The following EIF2D variants were observed in gnomAD, a reference collection of about 807,000 sequenced individuals.
EIF2D encodes the protein hepatocellular carcinoma-associated antigen 56.
A neutral mutation model predicts 77.4 loss-of-function variants in EIF2D; 56 were observed. The observed-to-expected ratio is 0.72, with a 90% CI of 0.58 to 0.90. The LOEUF is 0.90. Among genes scored for constraint, EIF2D ranks in the 40% least tolerant of loss-of-function variants. The pLI, the probability that EIF2D is intolerant of heterozygous loss-of-function variation, is 0.00. For missense variants in EIF2D, 574 were observed against 706.5 expected (o/e 0.81, Z 2.13); for synonymous variants, 230 against 271.0 (o/e 0.85, Z 1.49).
chr1:206,610,749 A>T (rs1553413741), intron 2 of EIF2D, among the ~76,000 whole-genome samples: 1 of 152,096 alleles, frequency 6.6e-6, no homozygotes, highest in South Asian at 2.1e-4. Flanking sequence ...TGAACCCAGG[A>T]GGCGGAGCTT....
At chr1:206,586,719 C>A, downstream of EIF2D, 5 of 845,628 alleles carry the variant, frequency 5.9e-6, no homozygotes, top group Non-Finnish European at 7.6e-6. Context: ...GTGTGAATCA[C>A]GGATGTGAAC....
chr1:206,599,947 G>T lies in EIF2D; in HGVS notation c.949-111C>A. On this transcript the variant is annotated intron_variant, in intron 8 of 14. Coordinates refer to ENST00000271764, the MANE Select transcript of EIF2D (RefSeq NM_006893.3). This position sits in a 1 kb window ranked among gnomAD's most constrained non-coding sequence, Gnocchi z 4.1. ...AGGGACTGTGCAGGGATATGAGACAGCCCCTGCCTTCATCAACCAGGAACT... is the reference window on the plus strand; with the variant it reads ...AGGGACTGTGCAGGGATATGAGACATCCCCTGCCTTCATCAACCAGGAACT... The T allele has an allele frequency of 9.7e-7, 1 of 1,036,126 alleles. No individual in the cohort carries two copies. The highest frequency in any genetic ancestry group is 2.9e-4 in the Middle Eastern group (1 of 3,404). 64.2% of individuals were successfully genotyped at this position (1,036,126 alleles called of 1,614,324 possible). A position where few individuals can be genotyped will look rare whatever the true frequency, so the allele number is the denominator to read the frequency against.
At chr1:206,604,453 G>C (rs1572406298) in intron 5 of EIF2D, among the ~76,000 whole-genome samples, 1 of 143,048 alleles carries the variant, frequency 7.0e-6, no homozygotes, top group East Asian at 2.1e-4. Flanking sequence ...CAAAAAAAAA[G>C]GCTGGGCGCA....
intron 2 of EIF2D, among the ~76,000 whole-genome samples, chr1:206,581,614 G>A (rs1035989671): frequency 1.5e-5 from 2 of 137,058 alleles, no homozygotes; most frequent in African/African-American, 2.7e-5. Context: ...GAAAGAAAGA[G>A]AGAGAGACAG....
intron 4 of EIF2D, among the ~76,000 whole-genome samples, chr1:206,607,236 T>C (rs1670244828): frequency 6.6e-6 from 1 of 152,140 alleles, no homozygotes; most frequent in Non-Finnish European, 1.5e-5. Context: ...ACGTCCACAC[T>C]ATATTAAGTG....
intron 1 of EIF2D, 48 bp from the exon 2 acceptor site, chr1:206,611,422 A>C: frequency 6.6e-7 from 1 of 1,515,172 alleles, no homozygotes; most frequent in Non-Finnish European, 9.0e-7. Flanking sequence ...ACAGACTTTT[A>C]ATAAATATCA....
chr1:206,573,465 G>A (rs1238308814), intron 4 of EIF2D, among the ~76,000 whole-genome samples: 3 of 152,194 alleles, frequency 2.0e-5, no homozygotes, highest in African/African-American at 7.2e-5. Flanking sequence ...GCCATAGAGG[G>A]CAAGACAGGC....
chr1:206,570,156 A>G (rs1668404412), downstream of EIF2D, among the ~76,000 whole-genome samples: 1 of 142,320 alleles, frequency 7.0e-6, no homozygotes, highest in African/African-American at 2.7e-5. Flanking sequence ...TAGTGGTGCA[A>G]TATTGGCTCA....
chr1:206,593,355 G>A (rs1298999700), intron 14 of EIF2D, among the ~76,000 whole-genome samples: 5 of 151,994 alleles, frequency 3.3e-5, no homozygotes, highest in African/African-American at 1.2e-4. Context: ...GGACCAACCA[G>A]GAAGAAAACT....
intron 13 of EIF2D, chr1:206,594,982 G>A (rs1669577935): frequency 6.6e-6 from 1 of 152,162 alleles, no homozygotes; most frequent in Non-Finnish European, 1.5e-5. Context: ...CTTCAGCCAT[G>A]TATACGCCTT....
At chr1:206,588,255 A>G (rs1187993246), downstream of EIF2D, 3 of 152,794 alleles carry the variant, frequency 2.0e-5, no homozygotes, top group Admixed American at 2.0e-4. Context: ...GCCCGCGTTC[A>G]GTATGGGTTG....
At chr1:206,595,561 AC>A (rs1669605455) in intron 13 of EIF2D, 156 bp downstream of exon 13, 1 of 875,160 alleles carries the variant, frequency 1.1e-6, no homozygotes, top group Non-Finnish European at 1.7e-6. Flanking sequence ...CCTGTTTCAT[AC>A]AGAGCCCAGC....
chr1:206,585,290 G>A, intron 2 of EIF2D: 1 of 1,613,312 alleles, frequency 6.2e-7, no homozygotes, highest in East Asian at 2.2e-5. Flanking sequence ...AACTGGAGAG[G>A]TAGAGGTAGG....
At position 206,612,415 on chromosome 1, in the gene EIF2D, C is replaced by T. The variant is rs1291986390; in HGVS notation, c.-73G>A. ...CAAGAAAGCGAGGGCGCAGCAGCTG[C>T]CAGGCCCTCAGCCGTGGGGGCAGCC... On this transcript the variant is annotated 5_prime_UTR_variant, in exon 1 of 15. Transcript: ENST00000271764. 3 of 1,596,144 alleles carry T rather than the reference C, an allele frequency of 1.9e-6. No individual in the cohort carries two copies. The highest frequency in any genetic ancestry group is 2.6e-6 in the Non-Finnish European group (3 of 1,164,452).
chr1:206,609,542 T>G, intron 2 of EIF2D, 83 bp from the exon 3 acceptor site: 8 of 1,130,308 alleles, frequency 7.1e-6, no homozygotes, highest in Non-Finnish European at 1.0e-5. Flanking sequence ...CTATGGTCAC[T>G]TTAATTAGAA....
chr1:206,603,054 C>G lies in EIF2D; in HGVS notation c.681G>C (p.Gly227=). The change falls in exon 6 of 15, where the codon GGG becomes GGC. Residue 227 remains glycine, a synonymous_variant. Transcript: ENST00000271764. ...HMTLEGEEEN[G]EVHQAREDKS... is the part of the protein sequence containing the mutation. ...TGTCTTCACGTGCCTGGTGAACCTCCCCATTCTCCTCTTCCCCCTCCAGGG... is the reference window on the plus strand; with the variant it reads ...TGTCTTCACGTGCCTGGTGAACCTCGCCATTCTCCTCTTCCCCCTCCAGGG... The G allele has an allele frequency of 1.2e-6, 2 of 1,614,166 alleles. No homozygotes were observed. The highest frequency in any genetic ancestry group is 8.5e-7 in the Non-Finnish European group (1 of 1,180,034).
At position 206,609,639 on chromosome 1, in the gene EIF2D, T is replaced by C. The variant is rs1670374002; in HGVS notation, c.248-180A>G. 2.0e-5 allele frequency among the ~76,000 whole-genome samples: 3 copies of C among 152,170 alleles called. No homozygotes were observed. The South Asian group carries it at 6.2e-4, about 31-fold the overall frequency. On this transcript the variant is annotated intron_variant, in intron 2 of 14. Coordinates refer to ENST00000271764, the MANE Select transcript of EIF2D (RefSeq NM_006893.3). Reference sequence around the variant, plus strand: ...TTCATTTTTGAGGAAGGAAAAAACCTAAGAAACTGAGTGTCACTTGAGATT... The same window carrying C: ...TTCATTTTTGAGGAAGGAAAAAACCCAAGAAACTGAGTGTCACTTGAGATT...
Position 206,611,248 on chromosome 1 carries a change from C to A in EIF2D, c.183G>T (p.Val61=). ...GGTTACCACCACTCACGTACACAGTCACTGCATCCCCTTTGTGAGCATACA... is the reference window on the plus strand; with the variant it reads ...GGTTACCACCACTCACGTACACAGTAACTGCATCCCCTTTGTGAGCATACA... ...VKLYAHKGDA[V]TVYVSGGNPI... The change falls in exon 2 of 15, where the codon GTG becomes GTT. Residue 61 remains valine (V), a synonymous_variant. Coordinates refer to ENST00000271764, the MANE Select transcript of EIF2D (RefSeq NM_006893.3). 1 of 1,614,214 alleles carries A rather than the reference C, an allele frequency of 6.2e-7. No individual in the cohort carries two copies. The highest frequency in any genetic ancestry group is 1.1e-5 in the South Asian group (1 of 91,082).
At chr1:206,577,992 G>A (rs1668716993) in intron 4 of EIF2D, among the ~76,000 whole-genome samples, 1 of 152,300 alleles carries the variant, frequency 6.6e-6, no homozygotes, top group South Asian at 2.1e-4. Context: ...TGAGGCTGAA[G>A]TGAGAGTATT....
Sources: allele counts gnomAD v4.1 joint callset (sites outside exome capture counted in the v4.1 genomes callset), GRCh38; gene constraint gnomAD v4.1.1; non-coding constraint Gnocchi (gnomAD v3.1); transcripts MANE v1.5; gene names NCBI Gene and HGNC (gene_info 2026-07-23, HGNC 2026-07-21).